Variants in TEX11 observed in about 807,000 individuals in gnomAD.
TEX11 encodes the protein testis-expressed protein 11.
TEX11 carries 7 observed loss-of-function variants against 84.4 expected under a neutral mutation model. That is an observed-to-expected ratio of 0.08 (90% CI 0.05 to 0.16). The LOEUF (loss-of-function observed/expected upper bound fraction) is 0.16, where lower values mean the gene tolerates loss of function less well. Among genes scored for constraint, TEX11 ranks in the 10% least tolerant of loss-of-function variants. TEX11 has a pLI of 1.00. For missense variants in TEX11, 551 were observed against 660.5 expected (o/e 0.83, Z 1.82); for synonymous variants, 264 against 222.8 (o/e 1.18, Z -1.64).
chrX:70,864,741 CAAAAAAA>C (rs1158189701), intron 4 of TEX11, among the ~76,000 whole-genome samples: 1,801 of 36,038 alleles, frequency 0.05, 55 homozygotes, highest in South Asian at 0.29. Context: ...GATGCCATCT[CAAAAAAA>C]AAAAAAAAAA....
chrX:70,877,151 A>G (rs1263143224), intron 3 of TEX11, among the ~76,000 whole-genome samples: 1 of 110,257 alleles, frequency 9.1e-6, no homozygotes, highest in Non-Finnish European at 1.9e-5. Context: ...AAAATTAGCC[A>G]GGTGTGGTGG....
At chrX:70,713,803 C>G (rs918589324) in intron 13 of TEX11, among the ~76,000 whole-genome samples, 1 of 111,394 alleles carries the variant, frequency 9.0e-6, no homozygotes, top group African/African-American at 3.3e-5. Context: ...CAGTTCTGCT[C>G]TGATCTTAGT....
At chrX:70,511,752 CAAAAA>C in the TEX11 span, among the ~76,000 whole-genome samples, 155 of 32,722 alleles carry the variant, frequency 4.7e-3, no homozygotes, top group Non-Finnish European at 9.5e-3. Flanking sequence ...GACTCCATCT[CAAAAA>C]AAAAAAAAAA....
At position 70,762,439 on chromosome X, in the gene TEX11, G is replaced by A. The variant is rs57970504; in HGVS notation, c.693-18220C>T. 1.1e-4 allele frequency among the ~76,000 whole-genome samples: 12 copies of A among 111,304 alleles called. No individual in the cohort carries two copies. In the East Asian group the frequency reaches 2.8e-3, roughly 26 times the overall value. The stretch of plus-strand genomic sequence containing the variant: ...GGTCGAAGCTCCTAAAGCAGGAACC[G>A]GGCTGCACAGCAGGAGATGAGTGGC... On this transcript the variant is annotated intron_variant, in intron 9 of 29. Coordinates refer to ENST00000374333, the MANE Select transcript of TEX11 (RefSeq NM_031276.3).
At chrX:70,645,389 A>G (rs1183346998) in intron 17 of TEX11, among the ~76,000 whole-genome samples, 3 of 111,723 alleles carry the variant, frequency 2.7e-5, no homozygotes, top group Non-Finnish European at 5.6e-5. Context: ...ATAAGGAAGA[A>G]GACATGGATG....
Position 70,629,537 on chromosome X carries a change from G to A in TEX11, c.1608+74C>T, listed in dbSNP as rs1233014038. The A allele has an allele frequency of 1.4e-4, 153 of 1,104,276 alleles. 3 individuals carry two copies. The highest frequency in any genetic ancestry group is 7.3e-5 in the Non-Finnish European group (59 of 805,416). The allele number at this position is 1,104,276 out of a possible 1,213,427, so 91.0% of individuals were successfully genotyped here. A position where few individuals can be genotyped will look rare whatever the true frequency, so the allele number is the denominator to read the frequency against. On this transcript the variant is annotated intron_variant, in intron 18 of 29. Coordinates refer to ENST00000374333, the MANE Select transcript of TEX11 (RefSeq NM_031276.3). ...GTAAAGGTCTCTTCTGTGTCTAACTGATAATGATTCTATTAATTGTCTTTC... is the reference window on the plus strand; with the variant it reads ...GTAAAGGTCTCTTCTGTGTCTAACTAATAATGATTCTATTAATTGTCTTTC...
At chrX:70,857,161 G>A in intron 5 of TEX11, 1 of 116,236 alleles carries the variant, frequency 8.6e-6, no homozygotes, top group South Asian at 3.4e-4. Flanking sequence ...GCCTCCTGAG[G>A]AGATGGATAA....
intron 9 of TEX11, among the ~76,000 whole-genome samples, chrX:70,762,504 C>T (rs905516779): frequency 9.0e-6 from 1 of 110,731 alleles, no homozygotes; most frequent in Non-Finnish European, 1.9e-5. Context: ...CACCTTCTGG[C>T]AGATCAGCAG....
At chrX:70,902,656 G>A (rs981648674) in intron 2 of TEX11, among the ~76,000 whole-genome samples, 4 of 110,083 alleles carry the variant, frequency 3.6e-5, no homozygotes, top group African/African-American at 1.3e-4. Context: ...GGAGTAGCTG[G>A]GACCACAGAG....
intron 9 of TEX11, among the ~76,000 whole-genome samples, chrX:70,804,971 CTTTTTT>C (rs748863855): frequency 5.9e-5 from 4 of 68,208 alleles, no homozygotes; most frequent in African/African-American, 6.8e-5. Flanking sequence ...CACCAGCATC[CTTTTTT>C]TTTTTTTTTT....
chrX:70,699,891 T>C (rs2090312029), intron 13 of TEX11, among the ~76,000 whole-genome samples: 1 of 111,052 alleles, frequency 9.0e-6, no homozygotes, highest in Admixed American at 9.6e-5. Flanking sequence ...CAAAACTTTG[T>C]TAACTTTTAC....
chrX:70,598,833 C>T (rs753814154), intron 24 of TEX11, among the ~76,000 whole-genome samples: 1 of 111,852 alleles, frequency 8.9e-6, no homozygotes, highest in African/African-American at 3.3e-5. Context: ...GACATTTATA[C>T]GAAATATCTG....
At chrX:70,902,506 T>C (rs894628725) in intron 2 of TEX11, among the ~76,000 whole-genome samples, 1 of 111,506 alleles carries the variant, frequency 9.0e-6, no homozygotes, top group Non-Finnish European at 1.9e-5. Context: ...ACTGTAACTT[T>C]TTTACTTTAT....
intron 7 of TEX11, among the ~76,000 whole-genome samples, chrX:70,842,668 A>G (rs938393770): frequency 3.6e-5 from 4 of 111,689 alleles, no homozygotes; most frequent in African/African-American, 1.3e-4. Context: ...AGGGTATTCA[A>G]TTAGGAAAAG....
In TEX11 at chrX:70,811,796, A is replaced by C. The variant is rs1338826517; in HGVS notation, c.607-5006T>G. 4.5e-5 allele frequency among the ~76,000 whole-genome samples: 5 copies of C among 110,911 alleles called. No homozygotes were observed. The East Asian group carries it at 8.5e-4, about 19-fold the overall frequency. On this transcript the variant is annotated intron_variant, in intron 8 of 29. Coordinates refer to ENST00000374333, the MANE Select transcript of TEX11 (RefSeq NM_031276.3). The stretch of plus-strand genomic sequence containing the variant: ...GGCCAGTGATGATGAGCATTTTTTC[A>C]TGTGTCTGTTGGCTGCATAAATGTC...
chrX:70,570,453 A>G lies in TEX11; in HGVS notation c.2141-15653T>C, dbSNP rs2088577495. Among the ~76,000 whole-genome samples, 3 of 111,888 alleles carry G rather than the reference A, an allele frequency of 2.7e-5. No individual in the cohort carries two copies. In the Admixed American group the frequency reaches 2.8e-4, roughly 11 times the overall value. On this transcript the variant is annotated intron_variant, in intron 25 of 29. Transcript: ENST00000374333. The stretch of plus-strand genomic sequence containing the variant: ...TGTCTGGCACTCCCTAATGAGATGA[A>G]CCCGGTACCTCAGATGGAAATGCAG...
chrX:70,722,990 C>T (rs1026178711), intron 12 of TEX11, among the ~76,000 whole-genome samples: 6 of 111,585 alleles, frequency 5.4e-5, no homozygotes, highest in Non-Finnish European at 1.1e-4. Flanking sequence ...TATCTGAAGT[C>T]AGACAGATCT....
At position 70,624,923 on chromosome X, in the gene TEX11, T is replaced by C. The variant is rs773962679; in HGVS notation, c.1610A>G (p.Asn537Ser). The change falls in exon 19 of 30, where the codon AAT becomes AGT. Residue 537 changes from asparagine to serine, a missense_variant and splice_region_variant. Transcript: ENST00000374333. ...LSLAAQFALE[N>S]GQQIVAEKAL... is the part of the protein sequence containing the mutation. ...TTTTTCTGCCACAATTTGTTGTCCATTCTAAAAAGAACAAATATAATACGT... is the reference window on the plus strand; with the variant it reads ...TTTTTCTGCCACAATTTGTTGTCCACTCTAAAAAGAACAAATATAATACGT... 1 of 1,192,427 alleles carries C rather than the reference T, an allele frequency of 8.4e-7. No individual in the cohort carries two copies. The highest frequency in any genetic ancestry group is 1.1e-6 in the Non-Finnish European group (1 of 879,852).
chrX:70,699,244 A>G lies in TEX11; in HGVS notation c.1005-16419T>C, dbSNP rs767522268. On this transcript the variant is annotated intron_variant, in intron 13 of 29. Transcript: ENST00000374333. ...GTGTTCAGCCCATCCAAGCCTTTAG[A>G]ATCTAAAATTTAGATGACTCTAACA... is the stretch of plus-strand genomic sequence containing the variant. Among the ~76,000 whole-genome samples the G allele has an allele frequency of 2.7e-5, 3 of 111,699 alleles. No individual in the cohort carries two copies. In the South Asian group the frequency reaches 1.1e-3, roughly 43 times the overall value.
Sources: allele counts gnomAD v4.1 joint callset (sites outside exome capture counted in the v4.1 genomes callset), GRCh38; gene constraint gnomAD v4.1.1; transcripts MANE v1.5; gene names NCBI Gene and HGNC (gene_info 2026-07-23, HGNC 2026-07-21).